TMEM62: variants seen among roughly 807,000 people sequenced by gnomAD.
TMEM62 encodes transmembrane protein 62.
TMEM62 carries 41 observed loss-of-function variants against 70.4 expected under a neutral mutation model. The observed-to-expected ratio is 0.58, with a 90% CI of 0.45 to 0.76. TMEM62 has a LOEUF of 0.76. TMEM62 is among the 30% of genes least tolerant of loss of function. The pLI, the probability that TMEM62 is intolerant of heterozygous loss-of-function variation, is 0.00. For synonymous variants in TMEM62, 268 were observed against 291.0 expected (o/e 0.92, Z 0.80); for missense variants, 688 against 788.5 (o/e 0.87, Z 1.53).
At chr15:43,142,980 T>C (rs1379574727) in intron 4 of TMEM62, among the ~76,000 whole-genome samples, 4 of 152,190 alleles carry the variant, frequency 2.6e-5, no homozygotes, top group Non-Finnish European at 5.9e-5. Flanking sequence ...AGTAGAAGTA[T>C]TTATAAATTA....
chr15:43,169,290 C>G (rs1307752450), intron 10 of TMEM62: 1 of 239,610 alleles, frequency 4.2e-6, no homozygotes, highest in Non-Finnish European at 8.0e-6. Flanking sequence ...GCTTTACCTC[C>G]TCCAAAAGGG....
At chr15:43,150,945 A>C (rs975155491) in intron 7 of TMEM62, among the ~76,000 whole-genome samples, 1 of 152,258 alleles carries the variant, frequency 6.6e-6, no homozygotes, top group Non-Finnish European at 1.5e-5. Flanking sequence ...TTAGTTCTAA[A>C]AGTTAGAAAA....
In TMEM62 at chr15:43,133,788, C is replaced by A; in HGVS notation, c.-15C>A. ...CGCGGGATCAGCGAGGGCCGCGCCCCGGCGGGCGGGCGGCATGGCTGCAGT... is the reference window on the plus strand; with the variant it reads ...CGCGGGATCAGCGAGGGCCGCGCCCAGGCGGGCGGGCGGCATGGCTGCAGT... On this transcript the variant is annotated 5_prime_UTR_variant, in exon 1 of 14. Coordinates refer to ENST00000260403, the MANE Select transcript of TMEM62 (RefSeq NM_024956.4). 7.4e-7 allele frequency: 1 copy of A among 1,354,352 alleles called. No individual in the cohort carries two copies. The allele number at this position is 1,354,352 out of a possible 1,614,324, so 83.9% of individuals were successfully genotyped here.
chr15:43,176,599 C>T (rs1312138240), intron 11 of TMEM62, among the ~76,000 whole-genome samples: 1 of 151,034 alleles, frequency 6.6e-6, no homozygotes, highest in African/African-American at 2.5e-5. Context: ...CTCTAGCAAA[C>T]TCCAACAGAC....
chr15:43,164,828 T>G (rs557200840), intron 10 of TMEM62, among the ~76,000 whole-genome samples: 2 of 152,332 alleles, frequency 1.3e-5, no homozygotes, highest in South Asian at 4.1e-4. Flanking sequence ...GAAGGATATT[T>G]TTGCTGAACA....
intron 11 of TMEM62, among the ~76,000 whole-genome samples, chr15:43,175,526 T>C (rs2040628451): frequency 6.6e-6 from 1 of 152,210 alleles, no homozygotes; most frequent in Non-Finnish European, 1.5e-5. Flanking sequence ...TGAGGATCTG[T>C]GGTACTGTAG....
At chr15:43,159,055 A>G (rs892136063) in intron 9 of TMEM62, among the ~76,000 whole-genome samples, 5 of 151,990 alleles carry the variant, frequency 3.3e-5, no homozygotes, top group South Asian at 2.1e-4. Context: ...AAGATATTCC[A>G]AGCTTTTCTT....
intron 4 of TMEM62, among the ~76,000 whole-genome samples, chr15:43,140,537 T>C (rs1308129207): frequency 6.6e-6 from 1 of 152,210 alleles, no homozygotes; most frequent in African/African-American, 2.4e-5. Flanking sequence ...CTTCTTGGCA[T>C]TGGTATTCTC....
At chr15:43,137,453 A>G (rs958065099) in intron 3 of TMEM62, among the ~76,000 whole-genome samples, 2 of 152,296 alleles carry the variant, frequency 1.3e-5, no homozygotes, top group Non-Finnish European at 2.9e-5. Context: ...TCAAAATTTT[A>G]AAGTATCAAT....
intron 10 of TMEM62, among the ~76,000 whole-genome samples, chr15:43,166,872 G>C (rs1286444554): frequency 6.6e-6 from 1 of 152,190 alleles, no homozygotes; most frequent in Non-Finnish European, 1.5e-5. Flanking sequence ...CAGATCAACA[G>C]GATCCCAAGG....
At chr15:43,152,765 A>G (rs1384747693) in intron 8 of TMEM62, among the ~76,000 whole-genome samples, 5 of 152,168 alleles carry the variant, frequency 3.3e-5, no homozygotes, top group Non-Finnish European at 7.3e-5. Flanking sequence ...GAGATATATA[A>G]CTTGTTTCAA....
intron 8 of TMEM62, among the ~76,000 whole-genome samples, chr15:43,153,914 C>T (rs2037725572): frequency 6.6e-6 from 1 of 152,154 alleles, no homozygotes; most frequent in Admixed American, 6.5e-5. Context: ...TAAGGAGCTG[C>T]CATACTGTTT....
chr15:43,181,879 A>G (rs1409398594), intron 13 of TMEM62, among the ~76,000 whole-genome samples: 1 of 152,228 alleles, frequency 6.6e-6, no homozygotes, highest in Non-Finnish European at 1.5e-5. Context: ...GTGCTTTTTC[A>G]TTGACAAAAA....
chr15:43,179,460 T>C (rs2142103919), intron 12 of TMEM62, among the ~76,000 whole-genome samples: 1 of 152,234 alleles, frequency 6.6e-6, no homozygotes, highest in East Asian at 1.9e-4. Flanking sequence ...ACATATACAG[T>C]GGTGGTCCCA....
chr15:43,180,284 G>A (rs1281996759), intron 12 of TMEM62, among the ~76,000 whole-genome samples: 1 of 152,064 alleles, frequency 6.6e-6, no homozygotes, highest in Non-Finnish European at 1.5e-5. Context: ...CACCACACCT[G>A]ACTAATTTTT....
intron 5 of TMEM62, among the ~76,000 whole-genome samples, chr15:43,148,320 G>C (rs760995516): frequency 6.6e-6 from 1 of 152,110 alleles, no homozygotes; most frequent in Non-Finnish European, 1.5e-5. Context: ...CTGTTCCATC[G>C]TGTGGATGTA....
At position 43,175,714 on chromosome 15, in the gene TMEM62, G is replaced by A. The variant is rs183932794; in HGVS notation, c.1382-2893G>A. Among the ~76,000 whole-genome samples the A allele has an allele frequency of 3.2e-3, 493 of 152,258 alleles. 1 individual carries two copies. The highest frequency in any genetic ancestry group is 0.014 in the Middle Eastern group (4 of 294). ...GAAAGCGCTGGCAGCCAAGATGGCC[G>A]AACAGGAACAGCTCCGGTCTACACC... On this transcript the variant is annotated intron_variant, in intron 11 of 13. Coordinates refer to ENST00000260403, the MANE Select transcript of TMEM62 (RefSeq NM_024956.4).
intron 9 of TMEM62, among the ~76,000 whole-genome samples, chr15:43,156,674 AG>A (rs2038082602): frequency 6.6e-6 from 1 of 152,204 alleles, no homozygotes; most frequent in Non-Finnish European, 1.5e-5. Flanking sequence ...CTGGCTGCTT[AG>A]TTGAATCCTT....
In TMEM62 at chr15:43,138,639, A is replaced by T; in HGVS notation, c.476+20A>T. 1 of 1,574,566 alleles carries T rather than the reference A, an allele frequency of 6.4e-7. No homozygotes were observed. On this transcript the variant is annotated intron_variant, in intron 4 of 13. Coordinates refer to ENST00000260403, the MANE Select transcript of TMEM62 (RefSeq NM_024956.4). ...TTACAGGTACTGTAATAAACAGAAG[A>T]CAGACCACTATGTAGAGTCAGTGTT...
Sources: gnomAD v4.1 joint callset for allele counts (sites outside exome capture counted in the v4.1 genomes callset) on GRCh38, gnomAD v4.1.1 for gene constraint, MANE v1.5 for transcripts, NCBI Gene and HGNC (gene_info 2026-07-23, HGNC 2026-07-21) for gene names.